DCLK2: variants seen among roughly 807,000 people sequenced by gnomAD.
DCLK2 encodes the protein serine/threonine-protein kinase DCLK2.
DCLK2 carries 31 observed loss-of-function variants against 78.4 expected under a neutral mutation model. That is an observed-to-expected ratio of 0.40 (90% confidence interval 0.30 to 0.53). The LOEUF is 0.53. Ranked by LOEUF, DCLK2 falls within the 20% of genes least tolerant of loss-of-function variation. The probability of loss-of-function intolerance (pLI) is 0.61; values close to 1 mark genes in which losing one functional copy is unlikely to be tolerated. For synonymous variants in DCLK2, 407 were observed against 374.9 expected, an observed-to-expected ratio of 1.09 and a Z score of -0.99; for missense variants, 872 against 973.7, an observed-to-expected ratio of 0.90 and a Z score of 1.39.
chr4:150,198,482 C>G (rs1739225359), intron 4 of DCLK2, among the ~76,000 whole-genome samples: 1 of 151,876 alleles, frequency 6.6e-6, no homozygotes, highest in Non-Finnish European at 1.5e-5. Context: ...CACATGCACA[C>G]ACTCTGCCCA....
chr4:150,209,259 G>A (rs566461657), intron 5 of DCLK2, among the ~76,000 whole-genome samples: 87 of 152,298 alleles, frequency 5.7e-4, no homozygotes, highest in African/African-American at 2.0e-3. Flanking sequence ...CTTTCCTGAA[G>A]GTCAGGGCTG....
chr4:150,192,294 C>G (rs1020481503), intron 2 of DCLK2, among the ~76,000 whole-genome samples: 8 of 152,050 alleles, frequency 5.3e-5, no homozygotes, highest in Non-Finnish European at 1.2e-4. Flanking sequence ...TCCTGGCCAA[C>G]ATGGTGAAAC....
At chr4:150,218,120 C>T (rs1385840088) in intron 5 of DCLK2, among the ~76,000 whole-genome samples, 1 of 126,902 alleles carries the variant, frequency 7.9e-6, no homozygotes, top group Admixed American at 9.4e-5. Context: ...GCCCCCTGTT[C>T]CTTCTGAGGC....
intron 8 of DCLK2, 98 bp from the exon 9 acceptor site, chr4:150,232,239 C>G: frequency 6.9e-7 from 1 of 1,441,618 alleles, no homozygotes; most frequent in Non-Finnish European, 9.4e-7. Flanking sequence ...TCTTTGGCAT[C>G]AGATCCACAG....
intron 2 of DCLK2, among the ~76,000 whole-genome samples, chr4:150,122,280 C>G (rs1254233094): frequency 6.6e-6 from 1 of 152,206 alleles, no homozygotes; most frequent in Non-Finnish European, 1.5e-5. Flanking sequence ...GATTATAAAT[C>G]ATTCTACTAT....
At chr4:150,236,246 T>C (rs1487758149) in intron 10 of DCLK2, among the ~76,000 whole-genome samples, 1 of 152,210 alleles carries the variant, frequency 6.6e-6, no homozygotes, top group Non-Finnish European at 1.5e-5. Flanking sequence ...GTTGTGATTG[T>C]TTAAATTCAC....
chr4:150,149,747 T>C (rs1222912741), intron 2 of DCLK2, among the ~76,000 whole-genome samples: 1 of 152,228 alleles, frequency 6.6e-6, no homozygotes, highest in East Asian at 1.9e-4. Context: ...TCTCTTGCTC[T>C]GTTTTGGAAT....
At chr4:150,202,419 A>G (rs1024379059) in intron 4 of DCLK2, among the ~76,000 whole-genome samples, 15 of 152,246 alleles carry the variant, frequency 9.9e-5, no homozygotes, top group Admixed American at 7.2e-4. Context: ...AAATTTAAAA[A>G]TAACTGGAAA....
chr4:150,142,245 A>C (rs761355393), intron 2 of DCLK2, among the ~76,000 whole-genome samples: 2 of 152,132 alleles, frequency 1.3e-5, no homozygotes, highest in African/African-American at 4.8e-5. Flanking sequence ...TCAGGAGCAC[A>C]TCTGTCATCA....
chr4:150,111,819 G>A (rs533229051), intron 2 of DCLK2, among the ~76,000 whole-genome samples: 1 of 152,170 alleles, frequency 6.6e-6, no homozygotes, highest in South Asian at 2.1e-4. Flanking sequence ...ATTCTGTTGT[G>A]TTGATCTATG....
At chr4:150,232,510 T>G in intron 9 of DCLK2, 54 bp downstream of exon 9, 3 of 1,596,496 alleles carry the variant, frequency 1.9e-6, no homozygotes, top group Non-Finnish European at 2.6e-6. Flanking sequence ...TACAACATCC[T>G]TGAAGGACCT....
intron 1 of DCLK2, among the ~76,000 whole-genome samples, chr4:150,094,672 A>G (rs1349364732): frequency 2.0e-5 from 3 of 152,354 alleles, no homozygotes; most frequent in East Asian, 1.9e-4. Context: ...CCTGGATGCA[A>G]TGCAAATGCA....
At chr4:150,112,972 G>C (rs1731803913) in intron 2 of DCLK2, among the ~76,000 whole-genome samples, 1 of 151,602 alleles carries the variant, frequency 6.6e-6, no homozygotes, top group Non-Finnish European at 1.5e-5. Context: ...CACCATACCT[G>C]GCTAGTTTTT....
intron 5 of DCLK2, among the ~76,000 whole-genome samples, chr4:150,218,101 C>A (rs1035762889): frequency 2.7e-5 from 4 of 148,554 alleles, no homozygotes; most frequent in Admixed American, 1.3e-4. Context: ...CCCCTCCCCC[C>A]ACAACGAGGC....
At chr4:150,164,709 G>A (rs1735942046) in intron 2 of DCLK2, among the ~76,000 whole-genome samples, 1 of 152,136 alleles carries the variant, frequency 6.6e-6, no homozygotes, top group South Asian at 2.1e-4. Flanking sequence ...TGAGGCAGGA[G>A]AATTGCTTGA....
intron 1 of DCLK2, among the ~76,000 whole-genome samples, chr4:150,081,339 C>T (rs1729251364): frequency 6.6e-6 from 1 of 152,214 alleles, no homozygotes; most frequent in African/African-American, 2.4e-5. Context: ...CCGCCCACCG[C>T]ATGCATGTCC....
intron 2 of DCLK2, among the ~76,000 whole-genome samples, chr4:150,104,128 A>G (rs1731071337): frequency 6.6e-6 from 1 of 152,112 alleles, no homozygotes; most frequent in Non-Finnish European, 1.5e-5. Context: ...ATTTAGGGGA[A>G]AAAGGCATAT....
Position 150,079,383 on chromosome 4 carries a change from G to T in DCLK2, c.356G>T (p.Gly119Val), listed in dbSNP as rs1259902391. 16 of 1,589,354 alleles carry T rather than the reference G, an allele frequency of 1.0e-5. No individual in the cohort carries two copies. The highest frequency in any genetic ancestry group is 1.4e-5 in the Non-Finnish European group (16 of 1,168,072). ...TCGGACAACGTGAACCTGCCCCAGG[G>T]TGTCCGCACTATCTACACCATCGAC... ...SLSDNVNLPQ[G>V]VRTIYTIDGS... The change falls in exon 1 of 16, where the codon GGT becomes GTT. Residue 119 changes from glycine to valine, a missense_variant. Physicochemically the swap from Gly to Val is moderately radical, Grantham distance 109. Around this residue, in one of 3 missense-constraint regions of DCLK2, gnomAD observed 567 missense variants for 593.4 expected, o/e 0.96. Transcript: ENST00000296550.
At chr4:150,115,380 T>G (rs1732002754) in intron 2 of DCLK2, among the ~76,000 whole-genome samples, 1 of 152,216 alleles carries the variant, frequency 6.6e-6, no homozygotes. Flanking sequence ...ATATTTTATC[T>G]TATTTTGGAT....
Sources: allele counts gnomAD v4.1 joint callset (sites outside exome capture counted in the v4.1 genomes callset), GRCh38; gene constraint gnomAD v4.1.1; regional missense constraint gnomAD v4.1.1; transcripts MANE v1.5; gene names NCBI Gene and HGNC (gene_info 2026-07-23, HGNC 2026-07-21).